PPM1E: variants seen among roughly 807,000 people sequenced by gnomAD.
PPM1E encodes the protein protein phosphatase, Mg2+/Mn2+ dependent 1E.
Under a neutral mutation model 65.9 loss-of-function variants are expected in PPM1E, and 20 were observed. That is an observed-to-expected ratio of 0.30 (90% CI 0.21 to 0.44). The LOEUF (loss-of-function observed/expected upper bound fraction) is 0.44. Ranked by LOEUF, PPM1E falls within the 20% of genes least tolerant of loss-of-function variation. The pLI is 1.00. For synonymous variants in PPM1E, 352 were observed against 374.9 expected, an observed-to-expected ratio of 0.94 and a Z score of 0.70; for missense variants, 713 against 953.1, an observed-to-expected ratio of 0.75 and a Z score of 3.32.
chr17:58,960,765 CAAAA>C (rs58614877), intron 2 of PPM1E, among the ~76,000 whole-genome samples: 1 of 68,890 alleles, frequency 1.5e-5, no homozygotes, highest in Non-Finnish European at 3.2e-5. Flanking sequence ...GACTCTGTCT[CAAAA>C]AAAAAAAAAA....
chr17:58,820,837 T>C (rs2143135307), intron 1 of PPM1E, among the ~76,000 whole-genome samples: 1 of 152,250 alleles, frequency 6.6e-6, no homozygotes, highest in Admixed American at 6.5e-5. Context: ...TCATAATTAA[T>C]GATTATAGTA....
At position 58,756,337 on chromosome 17, in the gene PPM1E, G is replaced by C; in HGVS notation, c.340G>C (p.Val114Leu). 7.2e-7 allele frequency: 1 copy of C among 1,392,058 alleles called. No homozygotes were observed. 86.2% of individuals were successfully genotyped at this position (1,392,058 alleles called of 1,614,324 possible). The change falls in exon 1 of 7, where the codon GTG becomes CTG. Residue 114 changes from valine to leucine, a missense_variant. Coordinates refer to ENST00000308249, the MANE Select transcript of PPM1E (RefSeq NM_014906.5). ...TAAAAPGHSA[V>L]PPPPPQLPPL... ...GGCGGCAGCCCCGGGGCACTCGGCC[G>C]TGCCGCCGCCGCCGCCCCAGCTGCC...
intron 1 of PPM1E, among the ~76,000 whole-genome samples, chr17:58,886,984 T>G (rs1302929017): frequency 1.3e-5 from 2 of 152,156 alleles, no homozygotes; most frequent in Non-Finnish European, 2.9e-5. Flanking sequence ...ATTAAAAATA[T>G]ATTTTAAAAT....
At chr17:58,893,385 A>G (rs2051372111) in intron 1 of PPM1E, among the ~76,000 whole-genome samples, 1 of 152,180 alleles carries the variant, frequency 6.6e-6, no homozygotes, top group Non-Finnish European at 1.5e-5. Context: ...GATTGCAACT[A>G]TATAACATAC....
rs149231231 is a variant in PPM1E, at chr17:58,962,102, T to C, written c.584-3592T>C. Among the ~76,000 whole-genome samples, 881 of 152,126 alleles carry C rather than the reference T, an allele frequency of 5.8e-3. 5 individuals carry two copies. The highest frequency in any genetic ancestry group is 9.5e-3 in the African/African-American group (393 of 41,498). On this transcript the variant is annotated intron_variant, in intron 2 of 6. Coordinates refer to ENST00000308249, the MANE Select transcript of PPM1E (RefSeq NM_014906.5). ...GATTTCGAGACCAGCCTGACTAACA[T>C]GGAGAAACCCCGTCTCTACTAAAAA...
chr17:58,833,915 T>C (rs1314421226), intron 1 of PPM1E, among the ~76,000 whole-genome samples: 1 of 152,184 alleles, frequency 6.6e-6, no homozygotes, highest in Non-Finnish European at 1.5e-5. Context: ...TTTGACTTTA[T>C]AATAATAGCC....
intron 1 of PPM1E, among the ~76,000 whole-genome samples, chr17:58,791,437 A>G (rs1253810084): frequency 2.0e-5 from 3 of 152,138 alleles, no homozygotes; most frequent in African/African-American, 4.8e-5. Flanking sequence ...ATACTGTCCT[A>G]TTTTTAACTG....
At chr17:58,767,134 T>A (rs2049888412) in intron 1 of PPM1E, among the ~76,000 whole-genome samples, 1 of 152,124 alleles carries the variant, frequency 6.6e-6, no homozygotes, top group Non-Finnish European at 1.5e-5. Flanking sequence ...AAATAACAAT[T>A]GTACAAGTAT....
intron 1 of PPM1E, among the ~76,000 whole-genome samples, chr17:58,889,905 A>T (rs2051324976): frequency 6.6e-6 from 1 of 152,242 alleles, no homozygotes; most frequent in Non-Finnish European, 1.5e-5. Flanking sequence ...TTCATTACTT[A>T]TTCAGCATGA....
At chr17:58,866,589 C>T (rs984800184) in intron 1 of PPM1E, among the ~76,000 whole-genome samples, 1 of 152,004 alleles carries the variant, frequency 6.6e-6, no homozygotes, top group Non-Finnish European at 1.5e-5. Context: ...GTAATAACCA[C>T]TCATTGTAAA....
chr17:58,908,440 T>G (rs2051584571), intron 1 of PPM1E, among the ~76,000 whole-genome samples: 1 of 151,838 alleles, frequency 6.6e-6, no homozygotes, highest in Non-Finnish European at 1.5e-5. Context: ...ATGCTTCTTT[T>G]TATACTTTTT....
rs534681843 is a variant in PPM1E at position 58,786,478 on chromosome 17, G to C, written c.464+30017G>C. Among the ~76,000 whole-genome samples, 4 of 152,260 alleles carry C rather than the reference G, an allele frequency of 2.6e-5. No homozygotes were observed. In the East Asian group the frequency reaches 7.7e-4, roughly 29 times the overall value. ...GACAGTTGATCTGATAGCCAGCCTG[G>C]CTGCTAAATTACTAACAGCTGGTAG... On this transcript the variant is annotated intron_variant, in intron 1 of 6. Transcript: ENST00000308249.
At chr17:58,800,023 A>G (rs2050244227) in intron 1 of PPM1E, among the ~76,000 whole-genome samples, 1 of 152,238 alleles carries the variant, frequency 6.6e-6, no homozygotes, top group Non-Finnish European at 1.5e-5. Flanking sequence ...AGGAATATGA[A>G]TGGGATTACA....
At chr17:58,805,337 G>A (rs1376367369) in intron 1 of PPM1E, among the ~76,000 whole-genome samples, 1 of 151,970 alleles carries the variant, frequency 6.6e-6, no homozygotes, top group Non-Finnish European at 1.5e-5. Context: ...CTCATCCTCT[G>A]CCTCCTGGGT....
chr17:58,878,121 G>T (rs1047445456), intron 1 of PPM1E, among the ~76,000 whole-genome samples: 4 of 151,964 alleles, frequency 2.6e-5, no homozygotes, highest in Non-Finnish European at 5.9e-5. Flanking sequence ...TTACTTAGTT[G>T]TTTGTATTTG....
rs141036158 is a variant in PPM1E, at chr17:58,876,823, C to T, written c.465-78826C>T. ...TTTTGAGACGGAGTCTGGCCCTGTCCGCCAGGCTGGAGTGCAGTGGCGCGA... is the reference window on the plus strand; with the variant it reads ...TTTTGAGACGGAGTCTGGCCCTGTCTGCCAGGCTGGAGTGCAGTGGCGCGA... On this transcript the variant is annotated intron_variant, in intron 1 of 6. Coordinates refer to ENST00000308249, the MANE Select transcript of PPM1E (RefSeq NM_014906.5). Among the ~76,000 whole-genome samples the T allele has an allele frequency of 7.2e-5, 11 of 152,082 alleles. No individual in the cohort carries two copies. The East Asian group carries it at 1.4e-3, about 19-fold the overall frequency.
intron 1 of PPM1E, among the ~76,000 whole-genome samples, chr17:58,930,077 A>G (rs1002374686): frequency 1.3e-5 from 2 of 151,976 alleles, no homozygotes; most frequent in African/African-American, 4.8e-5. Flanking sequence ...CTGAAAATTT[A>G]CTTGTTCTAT....
chr17:58,904,375 A>G (rs1273632955), intron 1 of PPM1E, among the ~76,000 whole-genome samples: 1 of 152,162 alleles, frequency 6.6e-6, no homozygotes, highest in African/African-American at 2.4e-5. Context: ...GATTTCTAAC[A>G]AGGGTAATAA....
At chr17:58,778,402 CTTTTTTTTTTTT>C (rs59155396) in intron 1 of PPM1E, among the ~76,000 whole-genome samples, 2 of 86,068 alleles carry the variant, frequency 2.3e-5, no homozygotes, top group Non-Finnish European at 4.7e-5. Flanking sequence ...GGCTGGCCAT[CTTTTTTTTTTTT>C]TTTTTTTTTT....
Sources: allele counts gnomAD v4.1 joint callset (sites outside exome capture counted in the v4.1 genomes callset), GRCh38; gene constraint gnomAD v4.1.1; transcripts MANE v1.5; gene names NCBI Gene and HGNC (gene_info 2026-07-23, HGNC 2026-07-21).